The following THEMIS variants were observed in gnomAD, a reference collection of about 807,000 sequenced individuals.
The protein encoded by THEMIS is thymocyte selection associated, also known as protein THEMIS.
THEMIS carries 37 observed loss-of-function variants against 52.6 expected under a neutral mutation model. That is an observed-to-expected ratio of 0.70 (90% CI 0.54 to 0.93). The LOEUF is 0.93. Among genes scored for constraint, THEMIS ranks in the 40% least tolerant of loss-of-function variants. THEMIS has a pLI of 0.00. For synonymous variants in THEMIS, 292 were observed against 272.7 expected (o/e 1.07, Z -0.70); for missense variants, 808 against 763.1 (o/e 1.06, Z -0.69).
At chr6:127,915,239 G>GAAGCAAA (rs1781496325) in intron 1 of THEMIS, among the ~76,000 whole-genome samples, 2 of 96,230 alleles carry the variant, frequency 2.1e-5, no homozygotes, top group African/African-American at 6.2e-5. Flanking sequence ...TGACAGTATA[G>GAAGCAAA]TATCATTTTG....
rs58472332 is a variant in THEMIS, at chr6:127,907,337, A to ATTTTTTTTTTTTTTTTTTTTTTTTT, written c.-149-6281_-149-6257dup. On this transcript the variant is annotated intron_variant, in intron 1 of 6. Coordinates refer to the THEMIS transcript ENST00000368250. ...AATACCATTAGGGCATTAGGCTCGG[A>ATTTTTTTTTTTTTTTTTTTTTTTTT]TTTTTTTTTTTTTTTTTTTTTTTTT... Among the ~76,000 whole-genome samples, 16 of 49,458 alleles carry ATTTTTTTTTTTTTTTTTTTTTTTTT rather than the reference A, an allele frequency of 3.2e-4. 4 individuals carry two copies. Among genetic ancestry groups the ATTTTTTTTTTTTTTTTTTTTTTTTT allele is most frequent in the South Asian group, 8.4e-4 (1 of 1,190 alleles). The allele number at this position is 49,458 out of a possible 152,430, so 32.4% of individuals were successfully genotyped here. A position where few individuals can be genotyped will look rare whatever the true frequency, so the allele number is the denominator to read the frequency against.
At chr6:127,847,889 AATT>A (rs71543127) in intron 2 of THEMIS, among the ~76,000 whole-genome samples, 28,256 of 146,392 alleles carry the variant, frequency 0.19, 3,439 homozygotes, top group Middle Eastern at 0.3. Context: ...CTCAATTTCA[AATT>A]ATTATTATTA....
chr6:127,823,263 G>A (rs1419508103), intron 3 of THEMIS, among the ~76,000 whole-genome samples: 8 of 152,150 alleles, frequency 5.3e-5, no homozygotes, highest in East Asian at 1.9e-4. Context: ...TCATGTTGTC[G>A]TAGTATTTTC....
chr6:127,766,292 T>A (rs543745972), intron 4 of THEMIS, among the ~76,000 whole-genome samples: 26 of 152,288 alleles, frequency 1.7e-4, no homozygotes, highest in African/African-American at 6.3e-4. Context: ...ATTCCATGTA[T>A]CCTTTTTGCC....
At position 127,709,157 on chromosome 6, in the gene THEMIS, G is replaced by T. The variant is rs754031371; in HGVS notation, c.*828C>A. 1 of 151,922 alleles carries T rather than the reference G, an allele frequency of 6.6e-6. No individual in the cohort carries two copies. The highest frequency in any genetic ancestry group is 1.5e-5 in the Non-Finnish European group (1 of 67,938). 9.4% of individuals were successfully genotyped at this position (151,922 alleles called of 1,614,324 possible). A position where few individuals can be genotyped will look rare whatever the true frequency, so the allele number is the denominator to read the frequency against. ...TAATTAAGAATCACTTTGGTTTCTT[G>T]TCAGCCAAATTTATTATATTACAAT... On this transcript the variant is annotated 3_prime_UTR_variant, in exon 6 of 6. Transcript: ENST00000368248.
chr6:127,735,556 G>A (rs1774976759), intron 4 of THEMIS, among the ~76,000 whole-genome samples: 1 of 152,164 alleles, frequency 6.6e-6, no homozygotes, highest in Non-Finnish European at 1.5e-5. Context: ...GATACATGGT[G>A]TTTTCAAAGT....
At chr6:127,869,949 T>G (rs1490425309) in intron 1 of THEMIS, among the ~76,000 whole-genome samples, 1 of 152,174 alleles carries the variant, frequency 6.6e-6, no homozygotes, top group Non-Finnish European at 1.5e-5. Flanking sequence ...TAGGCCTCGC[T>G]CTTTGCCAGG....
chr6:127,873,328 C>T (rs12194062), intron 1 of THEMIS, among the ~76,000 whole-genome samples: 29,626 of 151,996 alleles, frequency 0.19, 3,790 homozygotes, highest in Middle Eastern at 0.32. Flanking sequence ...GAACTAGACA[C>T]GCTAAAACAA....
chr6:127,898,153 G>C (rs1395290717), intron 1 of THEMIS, among the ~76,000 whole-genome samples: 1 of 151,646 alleles, frequency 6.6e-6, no homozygotes, highest in African/African-American at 2.4e-5. Flanking sequence ...GGAATACTTG[G>C]AATTTTCTAT....
chr6:127,909,410 A>T (rs1258193056), intron 1 of THEMIS, among the ~76,000 whole-genome samples: 1 of 152,074 alleles, frequency 6.6e-6, no homozygotes, highest in African/African-American at 2.4e-5. Flanking sequence ...GTGAGTTCTC[A>T]CGAGATCTGA....
intron 1 of THEMIS, among the ~76,000 whole-genome samples, chr6:127,857,411 T>C (rs1779653012): frequency 6.6e-6 from 1 of 152,008 alleles, no homozygotes; most frequent in Non-Finnish European, 1.5e-5. Context: ...TGATACATTC[T>C]GGAAACTTCA....
At chr6:127,885,303 T>G (rs1345361044) in intron 1 of THEMIS, among the ~76,000 whole-genome samples, 3 of 152,104 alleles carry the variant, frequency 2.0e-5, no homozygotes, top group African/African-American at 7.2e-5. Flanking sequence ...TTCTGAAAGT[T>G]TCTTAGTTAC....
intron 1 of THEMIS, among the ~76,000 whole-genome samples, chr6:127,886,292 G>T (rs1018777969): frequency 6.6e-6 from 1 of 152,034 alleles, no homozygotes; most frequent in African/African-American, 2.4e-5. Context: ...TACAAATCAA[G>T]AAAATTCAGG....
At chr6:127,888,345 G>T (rs1022364901) in intron 1 of THEMIS, among the ~76,000 whole-genome samples, 1 of 152,026 alleles carries the variant, frequency 6.6e-6, no homozygotes, top group African/African-American at 2.4e-5. Context: ...ATAGATTTTA[G>T]AAATGAAAGA....
intron 4 of THEMIS, among the ~76,000 whole-genome samples, chr6:127,802,080 G>T (rs1583293849): frequency 6.6e-6 from 1 of 152,208 alleles, no homozygotes; most frequent in Admixed American, 6.5e-5. Flanking sequence ...TTATTTGCTT[G>T]GTTAGGTGAA....
chr6:127,834,447 G>T (rs1055699291), intron 2 of THEMIS, among the ~76,000 whole-genome samples: 16 of 151,118 alleles, frequency 1.1e-4, no homozygotes, highest in African/African-American at 3.9e-4. Context: ...AGCTGGGCGT[G>T]GTGGTGCGTG....
At chr6:127,828,410 A>C (rs1028072068) in intron 3 of THEMIS, among the ~76,000 whole-genome samples, 1 of 152,198 alleles carries the variant, frequency 6.6e-6, no homozygotes, top group Non-Finnish European at 1.5e-5. Flanking sequence ...ACTACTTGAA[A>C]AGGTAGGCAA....
chr6:127,776,890 T>A (rs943065553), intron 4 of THEMIS, among the ~76,000 whole-genome samples: 1 of 152,230 alleles, frequency 6.6e-6, no homozygotes, highest in South Asian at 2.1e-4. Flanking sequence ...ATCTTCTTGA[T>A]GAATTGATCA....
At chr6:127,840,961 A>G (rs1257936179) in intron 2 of THEMIS, among the ~76,000 whole-genome samples, 4 of 152,084 alleles carry the variant, frequency 2.6e-5, no homozygotes, top group African/African-American at 9.7e-5. Flanking sequence ...GGGAATGAGT[A>G]GGCGGAGCAC....
Sources: gnomAD v4.1 joint callset for allele counts (sites outside exome capture counted in the v4.1 genomes callset) on GRCh38, gnomAD v4.1.1 for gene constraint, MANE v1.5 for transcripts, NCBI Gene and HGNC (gene_info 2026-07-23, HGNC 2026-07-21) for gene names.